The following LEMD2 variants were observed in gnomAD, a reference collection of about 807,000 sequenced individuals.
LEMD2 encodes the protein LEM domain nuclear envelope protein 2.
A neutral mutation model predicts 58.8 loss-of-function variants in LEMD2; 34 were observed. The ratio of observed to expected loss-of-function variants is 0.58; its 90% CI spans 0.44 to 0.77. The LOEUF is 0.77. Ranked by LOEUF, LEMD2 falls within the 30% of genes least tolerant of loss-of-function variation. The probability of loss-of-function intolerance (pLI) is 0.00; values close to 1 mark genes in which losing one functional copy is unlikely to be tolerated. For missense variants in LEMD2, 629 were observed against 717.9 expected, an observed-to-expected ratio of 0.88 and a Z score of 1.42; for synonymous variants, 298 against 308.9, an observed-to-expected ratio of 0.96 and a Z score of 0.37.
chr6:33,777,939 C>T (rs1002489770), intron 6 of LEMD2, among the ~76,000 whole-genome samples: 2 of 152,210 alleles, frequency 1.3e-5, no homozygotes, highest in African/African-American at 4.8e-5. Flanking sequence ...CCCTGCAGAG[C>T]CCAGAAGGGG....
intron 1 of LEMD2, among the ~76,000 whole-genome samples, 165 bp downstream of exon 1, chr6:33,788,216 G>GC (rs1289519952): frequency 6.6e-6 from 1 of 152,242 alleles, no homozygotes; most frequent in Non-Finnish European, 1.5e-5. Flanking sequence ...AGGAGCCTTG[G>GC]CCCTCTCTTC....
intron 5 of LEMD2, chr6:33,779,827 C>CT (rs1767523346): frequency 5.3e-6 from 2 of 379,230 alleles, no homozygotes; most frequent in Non-Finnish European, 9.6e-6. Flanking sequence ...AAGGCACAGA[C>CT]TGAGTTACCT....
rs1011874994 is a variant in LEMD2 at position 33,772,563 on chromosome 6, C to T, written c.*65G>A. ...ATTCAGCACCGCAGGCCTGGTGACC[C>T]TCCTGTGCCTCTGGAGTGGGCTGTC... On this transcript the variant is annotated 3_prime_UTR_variant, in exon 9 of 9. Coordinates refer to ENST00000293760, the MANE Select transcript of LEMD2 (RefSeq NM_181336.4). The T allele has an allele frequency of 6.6e-7, 1 of 1,517,940 alleles. No individual in the cohort carries two copies. The highest frequency in any genetic ancestry group is 2.3e-5 in the East Asian group (1 of 43,944). 94.0% of individuals were successfully genotyped at this position (1,517,940 alleles called of 1,614,324 possible). A position where few individuals can be genotyped will look rare whatever the true frequency, so the allele number is the denominator to read the frequency against.
At chr6:33,776,454 G>A (rs1314753526) in intron 8 of LEMD2, among the ~76,000 whole-genome samples, 1 of 152,180 alleles carries the variant, frequency 6.6e-6, no homozygotes, top group Non-Finnish European at 1.5e-5. Context: ...CTGTGACAAG[G>A]CAGACAGTGC....
intron 5 of LEMD2, chr6:33,779,487 T>C (rs1767515753): frequency 6.6e-6 from 1 of 151,498 alleles, no homozygotes; most frequent in Admixed American, 6.6e-5. Context: ...GGGGAAGTGA[T>C]GCTGCTCTGC....
intron 8 of LEMD2, among the ~76,000 whole-genome samples, chr6:33,773,096 C>T (rs1208517716): frequency 6.6e-6 from 1 of 152,162 alleles, no homozygotes; most frequent in Non-Finnish European, 1.5e-5. Context: ...CTGTTGCCTG[C>T]GCAGCCCTTG....
intron 8 of LEMD2, chr6:33,776,495 A>G (rs546732022): frequency 5.5e-5 from 10 of 183,478 alleles, no homozygotes; most frequent in Non-Finnish European, 1.2e-4. Context: ...ATCTGCAACC[A>G]TGAGGGACCC....
intron 6 of LEMD2, among the ~76,000 whole-genome samples, chr6:33,777,571 G>A (rs1229298359): frequency 6.6e-6 from 1 of 152,112 alleles, no homozygotes; most frequent in Non-Finnish European, 1.5e-5. Context: ...ATACATGCCG[G>A]GGCCCTTTGT....
Position 33,784,295 on chromosome 6 carries a change from G to C in LEMD2, c.853+57C>G, listed in dbSNP as rs1048719165. ...CAGTGTAACTAAGCCTGATGAACCG[G>C]GTCAGCCGCCCATAGCTCTCACAAG... On this transcript the variant is annotated intron_variant, in intron 3 of 8. Transcript: ENST00000293760. 1.2e-4 allele frequency: 162 copies of C among 1,352,346 alleles called. No individual in the cohort carries two copies. In the African/African-American group the frequency reaches 2.1e-3, roughly 18 times the overall value. The allele number at this position is 1,352,346 out of a possible 1,614,324, so 83.8% of individuals were successfully genotyped here.
In LEMD2 at chr6:33,772,020, G is replaced by C. The variant is rs959589222; in HGVS notation, c.*608C>G. On this transcript the variant is annotated 3_prime_UTR_variant, in exon 9 of 9. Transcript: ENST00000293760. ...CGGGATCCTCCCAGGAGGCTGTGCC[G>C]GCTGCTCACTCCTCCTGACCTGAGG... 1 of 152,736 alleles carries C rather than the reference G, an allele frequency of 6.5e-6. No individual in the cohort carries two copies. Among genetic ancestry groups the C allele is most frequent in the Non-Finnish European group, 1.5e-5 (1 of 68,220 alleles). 9.5% of individuals were successfully genotyped at this position (152,736 alleles called of 1,614,324 possible).
At position 33,778,332 on chromosome 6, in the gene LEMD2, G is replaced by A; in HGVS notation, c.1066C>T (p.Leu356=). 2 of 1,606,634 alleles carry A rather than the reference G, an allele frequency of 1.2e-6. No individual in the cohort carries two copies. The highest frequency in any genetic ancestry group is 2.2e-5 in the South Asian group (2 of 90,276). ...LVTTVDKVVC[L]ESAHPRMGVG... ...CCCATGCGGGGGTGGGCAGATTCCA[G>A]GCAGACCACCTTGTCCACAGTCGTC... Residue 356 remains leucine (L), a synonymous_variant, in exon 6 of 9, where the codon CTG becomes TTG. Coordinates refer to ENST00000293760, the MANE Select transcript of LEMD2 (RefSeq NM_181336.4). This position sits in a 1 kb window ranked among gnomAD's most constrained non-coding sequence, Gnocchi z 4.7.
At chr6:33,786,904 A>C in intron 1 of LEMD2, 130 bp from the exon 2 acceptor site, 4 of 1,483,162 alleles carry the variant, frequency 2.7e-6, no homozygotes, top group Non-Finnish European at 3.6e-6. Flanking sequence ...GAAAGATGTC[A>C]TCTAAGGAAG....
chr6:33,780,088 G>A lies in LEMD2; in HGVS notation c.1010+12C>T, dbSNP rs748423775. On this transcript the variant is annotated intron_variant, in intron 5 of 8. Transcript: ENST00000293760. ...GGCACCCATGCTGCGTCGCCACCCT[G>A]CCCACACTCACCAGATGCCCACGTC... is the stretch of plus-strand genomic sequence containing the variant. 25 of 1,579,494 alleles carry A rather than the reference G, an allele frequency of 1.6e-5. No homozygotes were observed. The South Asian group carries it at 2.9e-4, about 18-fold the overall frequency.
In LEMD2 at chr6:33,779,825, G is replaced by C. The variant is rs145216475; in HGVS notation, c.1010+275C>G. 1.3e-5 allele frequency: 5 copies of C among 379,334 alleles called. No homozygotes were observed. In the East Asian group the frequency reaches 2.2e-4, roughly 17 times the overall value. The allele number at this position is 379,334 out of a possible 1,614,324, so 23.5% of individuals were successfully genotyped here. ...GTTGTTGATGAATGAGAAAGGCACA[G>C]ACTGAGTTACCTGAGACAGGATTTA... On this transcript the variant is annotated intron_variant, in intron 5 of 8. Transcript: ENST00000293760.
intron 2 of LEMD2, among the ~76,000 whole-genome samples, chr6:33,785,495 G>A (rs1243049125): frequency 6.6e-6 from 1 of 152,252 alleles, no homozygotes; most frequent in Non-Finnish European, 1.5e-5. Flanking sequence ...AGTGGAGCCT[G>A]AGTGTGTCCA....
At position 33,784,337 on chromosome 6, in the gene LEMD2, A is replaced by T; in HGVS notation, c.853+15T>A. The T allele has an allele frequency of 6.2e-7, 1 of 1,605,892 alleles. No homozygotes were observed. Among genetic ancestry groups the T allele is most frequent in the Non-Finnish European group, 8.5e-7 (1 of 1,172,556 alleles). ...TCTCACAAGAGGAATCTCAGGACTT[A>T]CGTGACTTACTCACCAGCTTGGATG... is the stretch of plus-strand genomic sequence containing the variant. On this transcript the variant is annotated intron_variant, in intron 3 of 8. Transcript: ENST00000293760.
chr6:33,784,638 G>C (rs1172998656), intron 2 of LEMD2: 1 of 512,052 alleles, frequency 2.0e-6, no homozygotes, highest in African/African-American at 1.9e-5. Flanking sequence ...CCCTGGAGAA[G>C]CAGAGGCAAA....
chr6:33,782,011 G>C (rs934042154), intron 3 of LEMD2: 5 of 152,268 alleles, frequency 3.3e-5, no homozygotes, highest in African/African-American at 1.2e-4. Flanking sequence ...GAAGGGAGCA[G>C]CTGAAGGTCA....
At chr6:33,773,261 C>G (rs993424527) in intron 8 of LEMD2, among the ~76,000 whole-genome samples, 6 of 152,308 alleles carry the variant, frequency 3.9e-5, no homozygotes, top group African/African-American at 1.2e-4. Flanking sequence ...GAAGCTGGAG[C>G]TGCTCTAGGG....
Sources: allele counts gnomAD v4.1 joint callset (sites outside exome capture counted in the v4.1 genomes callset), GRCh38; gene constraint gnomAD v4.1.1; non-coding constraint Gnocchi (gnomAD v3.1); transcripts MANE v1.5; gene names NCBI Gene and HGNC (gene_info 2026-07-23, HGNC 2026-07-21).